Variants in KCNG3 observed in about 807,000 individuals in gnomAD.
KCNG3 encodes voltage-gated potassium channel regulatory subunit KCNG3.
In KCNG3, 15 loss-of-function variants were observed where a neutral mutation model predicts 29.0. That is an observed-to-expected ratio of 0.52 (90% CI 0.35 to 0.80). The LOEUF is 0.80. Among genes scored for constraint, KCNG3 ranks in the 30% least tolerant of loss-of-function variants. KCNG3 has a pLI of 0.01. For synonymous variants in KCNG3, 322 were observed against 248.9 expected, an observed-to-expected ratio of 1.29 and a Z score of -2.76; for missense variants, 512 against 605.7, an observed-to-expected ratio of 0.85 and a Z score of 1.62.
intron 1 of KCNG3, among the ~76,000 whole-genome samples, chr2:42,470,437 G>A (rs1673258843): frequency 6.6e-6 from 1 of 152,182 alleles, no homozygotes; most frequent in Admixed American, 6.6e-5. Context: ...TTCGAGGTCC[G>A]TACAGGAGGA....
At chr2:42,433,917 T>C in the KCNG3 span, among the ~76,000 whole-genome samples, 2 of 152,234 alleles carry the variant, frequency 1.3e-5, no homozygotes, top group East Asian at 1.9e-4. Context: ...ATAAACTACT[T>C]TGGGAATAAG....
chr2:42,469,416 C>CAA (rs57425538), intron 1 of KCNG3, among the ~76,000 whole-genome samples: 10,870 of 74,194 alleles, frequency 0.15, 518 homozygotes, highest in South Asian at 0.29. Context: ...GACTCTGTCT[C>CAA]AAAAAAAAAA....
the KCNG3 span, among the ~76,000 whole-genome samples, chr2:42,407,387 C>G: frequency 7.2e-5 from 11 of 152,092 alleles, no homozygotes; most frequent in Admixed American, 5.9e-4. Flanking sequence ...AGGCTGGTCT[C>G]GAACTCTTGG....
intron 1 of KCNG3, among the ~76,000 whole-genome samples, chr2:42,470,871 G>A (rs1416683466): frequency 6.6e-6 from 1 of 150,468 alleles, no homozygotes; most frequent in Non-Finnish European, 1.5e-5. Flanking sequence ...AAAAAGAAGT[G>A]GGGGGCCAGG....
chr2:42,431,255 T>C, the KCNG3 span, among the ~76,000 whole-genome samples: 1 of 152,110 alleles, frequency 6.6e-6, no homozygotes, highest in African/African-American at 2.4e-5. Context: ...CTGTTATGAA[T>C]AGTACTGAAT....
chr2:42,440,159 T>C (rs185043162), downstream of KCNG3, among the ~76,000 whole-genome samples: 21 of 152,260 alleles, frequency 1.4e-4, no homozygotes, highest in East Asian at 2.9e-3. Context: ...TGGGCCAAAA[T>C]AGACCAGAAG....
the KCNG3 span, among the ~76,000 whole-genome samples, chr2:42,436,641 T>G: frequency 1.3e-5 from 2 of 152,094 alleles, no homozygotes; most frequent in African/African-American, 4.8e-5. Context: ...CAGAATACAG[T>G]GTGAGTCGCA....
In KCNG3 at chr2:42,493,791, C is replaced by A. The variant is rs1673992243; in HGVS notation, c.-290G>T. 1.1e-5 allele frequency: 3 copies of A among 268,436 alleles called. No individual in the cohort carries two copies. The highest frequency in any genetic ancestry group is 1.4e-5 in the Non-Finnish European group (2 of 142,936). The allele number at this position is 268,436 out of a possible 1,614,324, so 16.6% of individuals were successfully genotyped here. On this transcript the variant is annotated 5_prime_UTR_variant, in exon 1 of 2. Transcript: ENST00000306078. ...GCTGGGAACGCGGCTGTGTCCGCGC[C>A]GCCGACCCTCGCGCCCGAGGGCTGC...
chr2:42,445,284 G>A (rs1437138382), intron 1 of KCNG3, among the ~76,000 whole-genome samples: 1 of 152,092 alleles, frequency 6.6e-6, no homozygotes, highest in Non-Finnish European at 1.5e-5. Context: ...CGAGTTCTGA[G>A]GTGGATTGGA....
chr2:42,458,374 G>A (rs947179290), intron 1 of KCNG3, among the ~76,000 whole-genome samples: 7 of 152,154 alleles, frequency 4.6e-5, no homozygotes, highest in Admixed American at 1.3e-4. Flanking sequence ...CCTAAACACA[G>A]TTTACCCTCT....
chr2:42,457,065 T>A (rs148905912), intron 1 of KCNG3, among the ~76,000 whole-genome samples: 10 of 152,270 alleles, frequency 6.6e-5, no homozygotes, highest in African/African-American at 2.2e-4. Flanking sequence ...AACACATAAT[T>A]GAACACTTAT....
intron 1 of KCNG3, among the ~76,000 whole-genome samples, chr2:42,475,235 G>C (rs544331819): frequency 2.5e-4 from 38 of 152,138 alleles, no homozygotes; most frequent in East Asian, 1.9e-4. Flanking sequence ...TGAGGCAGGA[G>C]GATAGCCTGA....
intron 1 of KCNG3, among the ~76,000 whole-genome samples, chr2:42,455,373 T>G (rs893027110): frequency 2.6e-5 from 4 of 152,214 alleles, no homozygotes; most frequent in Non-Finnish European, 5.9e-5. Flanking sequence ...CTGCTTTACC[T>G]CAGAAGAATT....
chr2:42,470,894 C>T (rs1210684388), intron 1 of KCNG3, among the ~76,000 whole-genome samples: 1 of 151,780 alleles, frequency 6.6e-6, no homozygotes, highest in Admixed American at 6.6e-5. Flanking sequence ...GCGTGGCTCT[C>T]ACACCTGTAA....
At chr2:42,417,148 C>G in the KCNG3 span, among the ~76,000 whole-genome samples, 4 of 151,990 alleles carry the variant, frequency 2.6e-5, no homozygotes, top group African/African-American at 9.7e-5. Context: ...GAGGCTGAGG[C>G]AAGAGAATCG....
At chr2:42,463,858 G>A in intron 1 of KCNG3, 1 of 273,662 alleles carries the variant, frequency 3.7e-6, no homozygotes, top group Non-Finnish European at 7.3e-6. Context: ...CCTCAGTGTT[G>A]GCTGAGCCTA....
the KCNG3 span, among the ~76,000 whole-genome samples, chr2:42,413,429 C>CT: frequency 6.6e-6 from 1 of 152,042 alleles, no homozygotes; most frequent in Non-Finnish European, 1.5e-5. Flanking sequence ...ATTTACTGTT[C>CT]TTTTTTATCA....
At chr2:42,480,754 A>G (rs1304300948) in intron 1 of KCNG3, among the ~76,000 whole-genome samples, 1 of 129,412 alleles carries the variant, frequency 7.7e-6, no homozygotes, top group Admixed American at 7.7e-5. Context: ...TTGAAACCCC[A>G]TCTTAAAAAA....
chr2:42,452,236 T>TAC (rs1672774557), intron 1 of KCNG3, among the ~76,000 whole-genome samples: 1 of 69,110 alleles, frequency 1.4e-5, no homozygotes, highest in African/African-American at 5.9e-5. Context: ...TATATATATA[T>TAC]ATATATATTT....
Sources: allele counts gnomAD v4.1 joint callset (sites outside exome capture counted in the v4.1 genomes callset), GRCh38; gene constraint gnomAD v4.1.1; transcripts MANE v1.5; gene names NCBI Gene and HGNC (gene_info 2026-07-23, HGNC 2026-07-21).